SUMF1: variants seen among roughly 807,000 people sequenced by gnomAD.
SUMF1 encodes the protein formylglycine-generating enzyme.
A neutral mutation model predicts 47.6 loss-of-function variants in SUMF1; 48 were observed. The observed-to-expected ratio is 1.01, with a 90% CI of 0.80 to 1.28. SUMF1 has a LOEUF of 1.28. Among genes scored for constraint, SUMF1 ranks in the 50% most tolerant of loss-of-function variants. The pLI is 0.00. For synonymous variants in SUMF1, 230 were observed against 192.1 expected, an observed-to-expected ratio of 1.20 and a Z score of -1.63; for missense variants, 571 against 485.4, an observed-to-expected ratio of 1.18 and a Z score of -1.66.
At chr3:4,134,503 A>G (rs1251326636) in intron 8 of SUMF1, among the ~76,000 whole-genome samples, 1 of 152,150 alleles carries the variant, frequency 6.6e-6, no homozygotes, top group Non-Finnish European at 1.5e-5. Context: ...CTAAATGCCC[A>G]CAAGAGAAAG....
rs142571811 is a variant in SUMF1 at position 4,164,464 on chromosome 3, C to T, written c.1015-95719G>A. 3.4e-3 allele frequency among the ~76,000 whole-genome samples: 522 copies of T among 152,290 alleles called. 5 individuals carry two copies. Among genetic ancestry groups the T allele is most frequent in the African/African-American group, 0.011 (464 of 41,544 alleles). On this transcript the variant is annotated intron_variant and NMD_transcript_variant, in intron 8 of 12. Transcript: ENST00000448413. ...AGAAACTTTGCCCTCTGGGGCAGTG[C>T]GCCTTCCAGTGATTGCCTTGGCATA...
chr3:4,418,213 A>C, intron 4 of SUMF1, 81 bp from the exon 5 acceptor site: 1 of 1,591,618 alleles, frequency 6.3e-7, no homozygotes, highest in East Asian at 2.3e-5. Context: ...AGCGCCCATA[A>C]TCCCCCTCAG....
At chr3:4,130,503 A>G (rs937305299) in intron 8 of SUMF1, among the ~76,000 whole-genome samples, 1 of 152,186 alleles carries the variant, frequency 6.6e-6, no homozygotes, top group African/African-American at 2.4e-5. Context: ...CACTGATGAC[A>G]TTATGCTGAT....
At chr3:4,285,229 T>C (rs1697609451) in intron 8 of SUMF1, among the ~76,000 whole-genome samples, 1 of 152,210 alleles carries the variant, frequency 6.6e-6, no homozygotes, top group Admixed American at 6.5e-5. Context: ...GACTTAATAG[T>C]ATCTCCTCTT....
chr3:4,231,423 C>T (rs923881841), intron 8 of SUMF1, among the ~76,000 whole-genome samples: 1 of 152,168 alleles, frequency 6.6e-6, no homozygotes, highest in Non-Finnish European at 1.5e-5. Context: ...AATAACACCA[C>T]ACTTCAAATA....
At chr3:4,106,041 T>G (rs1287520102) in intron 8 of SUMF1, among the ~76,000 whole-genome samples, 1 of 151,992 alleles carries the variant, frequency 6.6e-6, no homozygotes, top group African/African-American at 2.4e-5. Context: ...TGGTCAAAAT[T>G]GCTTTATCTG....
At chr3:4,194,357 T>A (rs1695384019) in intron 8 of SUMF1, among the ~76,000 whole-genome samples, 1 of 152,126 alleles carries the variant, frequency 6.6e-6, no homozygotes, top group Admixed American at 6.6e-5. Flanking sequence ...AGGCAGGAGT[T>A]CAAGTCCGCT....
At chr3:4,187,109 C>T (rs537441250) in intron 8 of SUMF1, among the ~76,000 whole-genome samples, 1 of 152,168 alleles carries the variant, frequency 6.6e-6, no homozygotes, top group Non-Finnish European at 1.5e-5. Context: ...ATGGCTCATG[C>T]CTATAATCCC....
chr3:4,076,724 G>C (rs561154858), intron 8 of SUMF1, among the ~76,000 whole-genome samples: 45 of 152,178 alleles, frequency 3.0e-4, no homozygotes, highest in Admixed American at 5.9e-4. Flanking sequence ...CACTGGCCGG[G>C]CGTGGTGGCT....
At position 4,362,771 on chromosome 3, in the gene SUMF1, G is replaced by C. The variant is rs774402952; in HGVS notation, c.1015-517C>G. ...ATCCCATCTCTACAAAAAATTAGCT[G>C]AGCATGGTGGTGTGCACTTGTAGTC... On this transcript the variant is annotated intron_variant, in intron 8 of 8. Transcript: ENST00000272902. Among the ~76,000 whole-genome samples, 72 of 152,222 alleles carry C rather than the reference G, an allele frequency of 4.7e-4. 1 individual carries two copies. The highest frequency in any genetic ancestry group is 4.1e-3 in the Admixed American group (63 of 15,286).
chr3:4,288,902 T>C (rs1288230521), intron 8 of SUMF1, among the ~76,000 whole-genome samples: 1 of 152,164 alleles, frequency 6.6e-6, no homozygotes, highest in East Asian at 1.9e-4. Context: ...TTCACAACGT[T>C]CTCTTAAACT....
intron 8 of SUMF1, among the ~76,000 whole-genome samples, chr3:4,369,806 C>A (rs1028213885): frequency 6.6e-6 from 1 of 152,130 alleles, no homozygotes; most frequent in Non-Finnish European, 1.5e-5. Flanking sequence ...ATGCTACAGG[C>A]CCATGGGCCA....
intron 8 of SUMF1, among the ~76,000 whole-genome samples, chr3:4,184,382 G>A (rs1240677528): frequency 6.6e-6 from 1 of 151,884 alleles, no homozygotes; most frequent in Non-Finnish European, 1.5e-5. Flanking sequence ...CTTGAACCCA[G>A]GAGACGGAAG....
intron 7 of SUMF1, among the ~76,000 whole-genome samples, chr3:4,377,790 A>G (rs76048628): frequency 0.032 from 4,871 of 152,278 alleles, 117 homozygotes; most frequent in Non-Finnish European, 0.048. Flanking sequence ...AGGGGAGTCT[A>G]TGGGGAAAGG....
intron 8 of SUMF1, among the ~76,000 whole-genome samples, chr3:4,255,625 G>A (rs1696932846): frequency 8.0e-6 from 1 of 125,638 alleles, no homozygotes; most frequent in African/African-American, 3.2e-5. Flanking sequence ...CAAGTCCTGA[G>A]TGACCTACAA....
At chr3:4,268,627 A>G (rs1697246054) in intron 8 of SUMF1, among the ~76,000 whole-genome samples, 1 of 151,710 alleles carries the variant, frequency 6.6e-6, no homozygotes, top group African/African-American at 2.4e-5. Flanking sequence ...CATGATCACA[A>G]TAGCAACCAG....
chr3:4,426,464 C>G (rs1321437832), intron 3 of SUMF1, among the ~76,000 whole-genome samples: 6 of 152,190 alleles, frequency 3.9e-5, no homozygotes, highest in Non-Finnish European at 8.8e-5. Context: ...AGACGTTTTC[C>G]TTTTCCAAGT....
chr3:4,220,960 C>T (rs9682456), intron 8 of SUMF1, among the ~76,000 whole-genome samples: 1,955 of 152,202 alleles, frequency 0.013, 41 homozygotes, highest in African/African-American at 0.045. Flanking sequence ...CATGCTACAG[C>T]AGTGGAACTA....
chr3:4,416,179 T>A lies in SUMF1; in HGVS notation c.840+949A>T, dbSNP rs889433119. The stretch of plus-strand genomic sequence containing the variant: ...CATTCTGGAAAACAGTTTGGCCATA[T>A]ATCTGAAACTCTTACCCAGAAAGTT... On this transcript the variant is annotated intron_variant, in intron 6 of 8. Transcript: ENST00000272902. Among the ~76,000 whole-genome samples the A allele has an allele frequency of 2.0e-5, 3 of 152,190 alleles. No individual in the cohort carries two copies. The East Asian group carries it at 5.8e-4, about 29-fold the overall frequency.
Sources: allele counts gnomAD v4.1 joint callset (sites outside exome capture counted in the v4.1 genomes callset), GRCh38; gene constraint gnomAD v4.1.1; transcripts MANE v1.5; gene names NCBI Gene and HGNC (gene_info 2026-07-23, HGNC 2026-07-21).